APP: variants seen among roughly 807,000 people sequenced by gnomAD.
The protein encoded by APP is amyloid beta precursor protein.
In APP, 31 loss-of-function variants were observed where a neutral mutation model predicts 101.4. That is an observed-to-expected ratio of 0.31 (90% CI 0.23 to 0.41). The LOEUF (loss-of-function observed/expected upper bound fraction) is 0.41, where lower values mean the gene tolerates loss of function less well. APP is among the 10% of genes least tolerant of loss of function. The probability of loss-of-function intolerance (pLI) is 1.00; values close to 1 mark genes in which losing one functional copy is unlikely to be tolerated. For missense variants in APP, 839 were observed against 1,003.7 expected (o/e 0.84, Z 2.22); for synonymous variants, 366 against 364.4 (o/e 1.00, Z -0.05).
At position 25,982,384 on chromosome 21, in the gene APP, T is replaced by C; in HGVS notation, c.1184A>G (p.Lys395Arg). The part of the protein sequence containing the change: ...ENEHAHFQKA[K>R]ERLEAKHRER... Reference sequence around the variant, plus strand: ...TCGGTGCTTGGCCTCAAGCCTCTCTTTGGCTTTCTGGAAATGGGCATGTTC... The same window carrying C: ...TCGGTGCTTGGCCTCAAGCCTCTCTCTGGCTTTCTGGAAATGGGCATGTTC... Residue 395 changes from lysine (K) to arginine (R), a missense_variant, in exon 9 of 18, where the codon AAA becomes AGA. By Grantham distance (26) the Lys-to-Arg change is conservative. Transcript: ENST00000346798. 6.2e-7 allele frequency: 1 copy of C among 1,613,882 alleles called. No individual in the cohort carries two copies. The highest frequency in any genetic ancestry group is 8.5e-7 in the Non-Finnish European group (1 of 1,179,880).
chr21:26,161,968 ATC>A (rs751377641), intron 1 of APP, among the ~76,000 whole-genome samples: 2 of 152,194 alleles, frequency 1.3e-5, no homozygotes, highest in Non-Finnish European at 2.9e-5. Flanking sequence ...AACAGTGCTT[ATC>A]CATCTTTATT....
In APP at chr21:25,887,499, A is replaced by T. The variant is rs991564540; in HGVS notation, c.2211+4223T>A. 2.0e-5 allele frequency among the ~76,000 whole-genome samples: 3 copies of T among 148,180 alleles called. No homozygotes were observed. In the Admixed American group the frequency reaches 2.0e-4, roughly 10 times the overall value. On this transcript the variant is annotated intron_variant, in intron 17 of 17. Coordinates refer to ENST00000346798, the MANE Select transcript of APP (RefSeq NM_000484.4). ...TATGGCTAAGTAAATTCAGTAAGTC[A>T]ATATTTCCTGCTTATTTGAAAAAAA... is the stretch of plus-strand genomic sequence containing the variant.
intron 5 of APP, among the ~76,000 whole-genome samples, chr21:26,050,238 A>C (rs921510009): frequency 6.6e-6 from 1 of 152,222 alleles, no homozygotes; most frequent in Non-Finnish European, 1.5e-5. Flanking sequence ...TCTAGGGAAC[A>C]TCTAAGAGAA....
At chr21:26,106,143 A>G (rs1416993912) in intron 2 of APP, among the ~76,000 whole-genome samples, 2 of 152,246 alleles carry the variant, frequency 1.3e-5, no homozygotes, top group Non-Finnish European at 2.9e-5. Context: ...GGCTACCAAC[A>G]TCCCTGGTCT....
chr21:25,931,970 C>T (rs1423155481), intron 13 of APP, among the ~76,000 whole-genome samples: 1 of 152,090 alleles, frequency 6.6e-6, no homozygotes, highest in East Asian at 1.9e-4. Flanking sequence ...ATTAGATTCC[C>T]CAAAAGGGAT....
intron 13 of APP, among the ~76,000 whole-genome samples, chr21:25,930,925 C>T (rs2040119655): frequency 2.0e-5 from 3 of 152,162 alleles, no homozygotes; most frequent in South Asian, 2.1e-4. Context: ...GAATGGAAAG[C>T]GTCTGTCTTC....
intron 13 of APP, among the ~76,000 whole-genome samples, chr21:25,917,781 G>T (rs955121065): frequency 2.6e-5 from 4 of 151,804 alleles, no homozygotes; most frequent in Admixed American, 2.0e-4. Flanking sequence ...TCTGACAAAG[G>T]TCTAATATCC....
At chr21:26,046,325 G>T (rs189072580) in intron 5 of APP, among the ~76,000 whole-genome samples, 1 of 151,256 alleles carries the variant, frequency 6.6e-6, no homozygotes, top group African/African-American at 2.4e-5. Flanking sequence ...CAGGAGAATC[G>T]TTTGAACCCA....
intron 6 of APP, among the ~76,000 whole-genome samples, chr21:26,006,469 G>C (rs1369634742): frequency 6.6e-6 from 1 of 152,160 alleles, no homozygotes; most frequent in Non-Finnish European, 1.5e-5. Context: ...TTGTAAGGTA[G>C]GCCCTTGCTG....
chr21:25,982,611 G>T, intron 8 of APP, 134 bp from the exon 9 acceptor site: 1 of 780,880 alleles, frequency 1.3e-6, no homozygotes, highest in Non-Finnish European at 2.1e-6. Flanking sequence ...CATACAAGAC[G>T]TTAATGCTGT....
At chr21:26,096,520 A>G (rs1439732563) in intron 2 of APP, among the ~76,000 whole-genome samples, 1 of 152,220 alleles carries the variant, frequency 6.6e-6, no homozygotes, top group East Asian at 1.9e-4. Context: ...TGTACGTAGC[A>G]TTCTTTCCCT....
At chr21:25,968,820 C>G (rs1306455072) in intron 11 of APP, among the ~76,000 whole-genome samples, 1 of 152,186 alleles carries the variant, frequency 6.6e-6, no homozygotes, top group Non-Finnish European at 1.5e-5. Flanking sequence ...AAGGGTTAGA[C>G]AGGTAATTAT....
intron 13 of APP, among the ~76,000 whole-genome samples, chr21:25,914,085 T>C (rs2039216596): frequency 6.6e-6 from 1 of 152,160 alleles, no homozygotes; most frequent in Admixed American, 6.5e-5. Context: ...CTTTCCTGTT[T>C]TCTAATCATG....
intron 1 of APP, among the ~76,000 whole-genome samples, chr21:26,147,022 T>G (rs1342970890): frequency 6.6e-6 from 1 of 152,224 alleles, no homozygotes; most frequent in Non-Finnish European, 1.5e-5. Context: ...TGCACAACTT[T>G]ATTTCTAGAC....
rs1278221941 is a variant in APP at position 25,905,075 on chromosome 21, C to T, written c.1912G>A (p.Glu638Lys). The change falls in exon 15 of 18, where the codon GAG (glutamate) becomes AAG (lysine). Residue 638 changes from glutamate (E) to lysine (K), a missense_variant and splice_region_variant. By Grantham distance (56) the Glu-to-Lys change is moderately conservative. Coordinates refer to ENST00000346798, the MANE Select transcript of APP (RefSeq NM_000484.4). The stretch of plus-strand genomic sequence containing the variant: ...GCAGCAGGGCGGGCATCAACAGGCT[C>T]AACTGGGCACAGGAAGCAAGGGACA... ...SVPANTENEV[E>K]PVDARPAADR... 1.9e-6 allele frequency: 3 copies of T among 1,613,740 alleles called. No individual in the cohort carries two copies. In the South Asian group the frequency reaches 3.3e-5, roughly 18 times the overall value.
chr21:25,894,734 T>C (rs775524961), intron 16 of APP, among the ~76,000 whole-genome samples: 103 of 152,210 alleles, frequency 6.8e-4, no homozygotes, highest in Non-Finnish European at 1.0e-3. Context: ...ATGAACACTG[T>C]TGAAATGACA....
At chr21:26,147,435 C>G (rs2063176176) in intron 1 of APP, among the ~76,000 whole-genome samples, 1 of 152,074 alleles carries the variant, frequency 6.6e-6, no homozygotes, top group African/African-American at 2.4e-5. Flanking sequence ...GAATGCTGCC[C>G]TTTATATAAG....
intron 15 of APP, among the ~76,000 whole-genome samples, chr21:25,898,316 A>G (rs1361794016): frequency 6.6e-6 from 1 of 152,234 alleles, no homozygotes; most frequent in Non-Finnish European, 1.5e-5. Flanking sequence ...TTTATAACCT[A>G]CGAACTCTTC....
intron 11 of APP, among the ~76,000 whole-genome samples, chr21:25,969,876 G>GAA: frequency 8.9e-6 from 1 of 111,926 alleles, no homozygotes; most frequent in Admixed American, 9.5e-5. Context: ...AAAGAAAAGA[G>GAA]AAAAGAAAAG....
Sources: gnomAD v4.1 joint callset for allele counts (sites outside exome capture counted in the v4.1 genomes callset) on GRCh38, gnomAD v4.1.1 for gene constraint, MANE v1.5 for transcripts, NCBI Gene and HGNC (gene_info 2026-07-23, HGNC 2026-07-21) for gene names.